The following NTN1 variants were observed in gnomAD, a reference collection of about 807,000 sequenced individuals.
NTN1 encodes the protein netrin-1.
Under a neutral mutation model 54.2 loss-of-function variants are expected in NTN1, and 11 were observed. The ratio of observed to expected loss-of-function variants is 0.20; its 90% CI spans 0.13 to 0.34. The LOEUF (loss-of-function observed/expected upper bound fraction) is 0.34, where lower values mean the gene tolerates loss of function less well. Ranked by LOEUF, NTN1 falls within the 10% of genes least tolerant of loss-of-function variation. The probability of loss-of-function intolerance (pLI) is 1.00; values close to 1 mark genes in which losing one functional copy is unlikely to be tolerated. For missense variants in NTN1, 740 were observed against 893.1 expected, an observed-to-expected ratio of 0.83 and a Z score of 2.18; for synonymous variants, 371 against 382.0, an observed-to-expected ratio of 0.97 and a Z score of 0.33.
intron 3 of NTN1, among the ~76,000 whole-genome samples, chr17:9,169,396 A>G (rs1273889879): frequency 1.3e-5 from 2 of 152,224 alleles, no homozygotes; most frequent in African/African-American, 4.8e-5. Context: ...TACAGATGAA[A>G]AGAGTCCCTG....
chr17:9,003,473 G>C, the NTN1 span, among the ~76,000 whole-genome samples: 1 of 150,958 alleles, frequency 6.6e-6, no homozygotes, highest in Non-Finnish European at 1.5e-5. This position sits in a 1 kb window ranked among gnomAD's most constrained non-coding sequence, Gnocchi z 7.4. Flanking sequence ...AGCCTGCTCC[G>C]GGCCGCGACC....
chr17:9,062,984 A>G (rs890332313), intron 2 of NTN1, among the ~76,000 whole-genome samples: 7 of 151,730 alleles, frequency 4.6e-5, no homozygotes, highest in Middle Eastern at 3.4e-3. Context: ...TGCTTTTCCT[A>G]TTTTCCACTG....
chr17:9,015,659 T>C, the NTN1 span, among the ~76,000 whole-genome samples: 53,270 of 151,704 alleles, frequency 0.35, 9,523 homozygotes, highest in South Asian at 0.42. Context: ...CTGCAGTCCT[T>C]CTCAGAGGTG....
intron 2 of NTN1, among the ~76,000 whole-genome samples, chr17:9,041,745 A>T (rs1312270455): frequency 1.3e-5 from 2 of 152,152 alleles, no homozygotes; most frequent in Non-Finnish European, 2.9e-5. Context: ...GCGGTGGCTC[A>T]TGCCTGTAAT....
At chr17:9,161,985 T>C (rs2092358278) in intron 2 of NTN1, among the ~76,000 whole-genome samples, 1 of 109,510 alleles carries the variant, frequency 9.1e-6, no homozygotes, top group African/African-American at 3.3e-5. Flanking sequence ...AGATGATGAG[T>C]GGTGAAGGAG....
chr17:9,193,920 T>TAAAAAAAAAAAAAAAAAAAAA (rs71361871), intron 5 of NTN1, among the ~76,000 whole-genome samples: 1 of 44,906 alleles, frequency 2.2e-5, no homozygotes, highest in African/African-American at 1.1e-4. Context: ...AAACTCCGAC[T>TAAAAAAAAAAAAAAAAAAAAA]AAAAAAAAAA....
intron 2 of NTN1, among the ~76,000 whole-genome samples, chr17:9,162,052 C>T (rs561150650): frequency 6.6e-6 from 1 of 152,294 alleles, no homozygotes; most frequent in South Asian, 2.1e-4. Context: ...CTGAGCAATG[C>T]TCATGGGGAG....
intron 2 of NTN1, among the ~76,000 whole-genome samples, chr17:9,050,683 A>C (rs1597469945): frequency 1.3e-5 from 2 of 151,788 alleles, no homozygotes; most frequent in Non-Finnish European, 2.9e-5. Flanking sequence ...AAAAAAAAAA[A>C]AAAAAAAAAC....
chr17:9,216,185 T>A (rs1905214104), intron 5 of NTN1, among the ~76,000 whole-genome samples: 1 of 152,244 alleles, frequency 6.6e-6, no homozygotes, highest in African/African-American at 2.4e-5. Flanking sequence ...CTTGAACTCC[T>A]AGCCTCAAGC....
intron 2 of NTN1, among the ~76,000 whole-genome samples, chr17:9,154,632 C>T (rs1337748011): frequency 6.6e-6 from 1 of 151,972 alleles, no homozygotes; most frequent in Admixed American, 6.6e-5. Context: ...TTTCAGGAGA[C>T]GCTGAAAAGG....
chr17:9,038,256 T>TCG (rs55701411), intron 2 of NTN1, among the ~76,000 whole-genome samples: 86,161 of 145,600 alleles, frequency 0.59, 25,904 homozygotes, highest in East Asian at 0.71. Context: ...CTCCTCTCTT[T>TCG]CTCTCTCTCC....
intron 5 of NTN1, among the ~76,000 whole-genome samples, chr17:9,190,213 TATGTA>T (rs1904415317): frequency 6.6e-6 from 1 of 152,042 alleles, no homozygotes; most frequent in Non-Finnish European, 1.5e-5. Context: ...GTACAGCACA[TATGTA>T]AAGAAAAGAA....
At chr17:9,015,513 G>C in the NTN1 span, among the ~76,000 whole-genome samples, 1 of 152,110 alleles carries the variant, frequency 6.6e-6, no homozygotes, top group East Asian at 1.9e-4. Context: ...CTAAGCCTTT[G>C]TTCTCTTCTT....
At chr17:9,007,727 T>G in the NTN1 span, among the ~76,000 whole-genome samples, 65 of 151,196 alleles carry the variant, frequency 4.3e-4, no homozygotes, top group African/African-American at 1.4e-3. Flanking sequence ...TTTCTTTCTT[T>G]CTTGCTTGCT....
chr17:9,139,862 A>G (rs879760612), intron 2 of NTN1, among the ~76,000 whole-genome samples: 3 of 151,906 alleles, frequency 2.0e-5, no homozygotes, highest in Middle Eastern at 3.2e-3. Flanking sequence ...TCAGCCATCT[A>G]TCCATCGATT....
intron 2 of NTN1, among the ~76,000 whole-genome samples, chr17:9,116,202 C>G (rs191917671): frequency 6.6e-6 from 1 of 152,152 alleles, no homozygotes; most frequent in Non-Finnish European, 1.5e-5. Flanking sequence ...GAACATTCCA[C>G]GGGGGTGGCA....
chr17:9,021,735 C>G (rs1461742969), intron 1 of NTN1, 150 bp downstream of exon 1: 1 of 152,386 alleles, frequency 6.6e-6, no homozygotes, highest in East Asian at 1.9e-4. Flanking sequence ...GCGGCCGCGC[C>G]GGGCATGGAG....
At chr17:9,116,932 C>T (rs910694893) in intron 2 of NTN1, among the ~76,000 whole-genome samples, 2 of 152,126 alleles carry the variant, frequency 1.3e-5, no homozygotes, top group African/African-American at 4.8e-5. Context: ...GATATCTTGT[C>T]TGCTTTCAGG....
intron 5 of NTN1, among the ~76,000 whole-genome samples, chr17:9,203,391 C>T (rs1412308810): frequency 6.6e-6 from 1 of 152,212 alleles, no homozygotes; most frequent in Non-Finnish European, 1.5e-5. Context: ...CTCCAGTTTA[C>T]AACACTTGGA....
Sources: allele counts gnomAD v4.1 joint callset (sites outside exome capture counted in the v4.1 genomes callset), GRCh38; gene constraint gnomAD v4.1.1; non-coding constraint Gnocchi (gnomAD v3.1); transcripts MANE v1.5; gene names NCBI Gene and HGNC (gene_info 2026-07-23, HGNC 2026-07-21).